The following ROBO2 variants were observed in gnomAD, a reference collection of about 807,000 sequenced individuals.
The protein encoded by ROBO2 is roundabout guidance receptor 2, also known as roundabout homolog 2.
A neutral mutation model predicts 160.8 loss-of-function variants in ROBO2; 53 were observed. The ratio of observed to expected loss-of-function variants is 0.33; its 90% CI spans 0.26 to 0.41. The LOEUF (loss-of-function observed/expected upper bound fraction) is 0.41. Among genes scored for constraint, ROBO2 ranks in the 10% least tolerant of loss-of-function variants. ROBO2 has a pLI of 1.00. For synonymous variants in ROBO2, 664 were observed against 611.7 expected, an observed-to-expected ratio of 1.09 and a Z score of -1.26; for missense variants, 1,577 against 1,722.4, an observed-to-expected ratio of 0.92 and a Z score of 1.49.
At chr3:77,272,250 A>C (rs2059538754) in intron 2 of ROBO2, among the ~76,000 whole-genome samples, 1 of 152,176 alleles carries the variant, frequency 6.6e-6, no homozygotes, top group Admixed American at 6.6e-5. Context: ...ATAAAGAAAT[A>C]CCTGAGATTG....
At chr3:76,470,377 TC>T in intron 2 of ROBO2, among the ~76,000 whole-genome samples, 1 of 152,264 alleles carries the variant, frequency 6.6e-6, no homozygotes, top group East Asian at 1.9e-4. Context: ...TTGCTTGGGG[TC>T]CTTTACAGGG....
chr3:76,770,886 A>C (rs571055521), intron 2 of ROBO2, among the ~76,000 whole-genome samples: 3 of 151,322 alleles, frequency 2.0e-5, no homozygotes, highest in African/African-American at 7.2e-5. Flanking sequence ...TAAAAGAAGG[A>C]TGCTCCGATA....
chr3:76,959,174 C>A (rs2079481323), intron 2 of ROBO2, among the ~76,000 whole-genome samples: 1 of 152,182 alleles, frequency 6.6e-6, no homozygotes, highest in Non-Finnish European at 1.5e-5. Context: ...TTACAAACAA[C>A]TCTTATTAAC....
chr3:76,095,081 A>G (rs2069385440), intron 2 of ROBO2, among the ~76,000 whole-genome samples: 1 of 152,154 alleles, frequency 6.6e-6, no homozygotes, highest in Non-Finnish European at 1.5e-5. Flanking sequence ...AAGACACACT[A>G]AAAAAGCTCT....
chr3:77,192,487 A>G (rs1377582373), intron 2 of ROBO2, among the ~76,000 whole-genome samples: 1 of 152,072 alleles, frequency 6.6e-6, no homozygotes, highest in Non-Finnish European at 1.5e-5. Context: ...TAGTATTTCT[A>G]TTTATCTACC....
intron 2 of ROBO2, among the ~76,000 whole-genome samples, chr3:76,417,087 G>A (rs1352037541): frequency 1.7e-4 from 5 of 29,780 alleles, no homozygotes; most frequent in Non-Finnish European, 3.7e-4. Context: ...TTTTAAAGAT[G>A]TTGTGTTCCT....
At chr3:76,475,216 G>A (rs1014448474) in intron 2 of ROBO2, among the ~76,000 whole-genome samples, 3 of 152,112 alleles carry the variant, frequency 2.0e-5, no homozygotes, top group African/African-American at 7.2e-5. Flanking sequence ...AAAATAGAGA[G>A]TAAGGCATGG....
intron 6 of ROBO2, among the ~76,000 whole-genome samples, chr3:77,544,820 T>A (rs775746): frequency 0.54 from 82,665 of 151,824 alleles, 22,585 homozygotes; most frequent in Middle Eastern, 0.68. Flanking sequence ...TTAAAGTGGA[T>A]ATAGATTATT....
intron 2 of ROBO2, among the ~76,000 whole-genome samples, chr3:76,534,861 G>A (rs1466811387): frequency 1.3e-5 from 2 of 152,116 alleles, no homozygotes; most frequent in Non-Finnish European, 2.9e-5. Flanking sequence ...ATTGAGAGGT[G>A]ATGGTTTTAA....
intron 2 of ROBO2, among the ~76,000 whole-genome samples, chr3:76,173,334 A>G (rs1369063731): frequency 1.3e-5 from 2 of 151,590 alleles, no homozygotes; most frequent in African/African-American, 4.9e-5. Flanking sequence ...CATGCTAATT[A>G]TTTATTTTTA....
At chr3:77,426,770 C>T (rs2078255124) in intron 2 of ROBO2, among the ~76,000 whole-genome samples, 1 of 151,988 alleles carries the variant, frequency 6.6e-6, no homozygotes, top group African/African-American at 2.4e-5. Context: ...ATGTTCAATT[C>T]AACCTTACAC....
intron 2 of ROBO2, among the ~76,000 whole-genome samples, chr3:76,163,195 A>G (rs1417506771): frequency 6.6e-6 from 1 of 152,032 alleles, no homozygotes; most frequent in Admixed American, 6.6e-5. Context: ...CTATTAAAGA[A>G]TATGGTGAGC....
At chr3:76,348,033 A>G (rs1266456757) in intron 2 of ROBO2, among the ~76,000 whole-genome samples, 2 of 152,152 alleles carry the variant, frequency 1.3e-5, no homozygotes, top group Non-Finnish European at 2.9e-5. Flanking sequence ...AAACACTTGC[A>G]TCGTCTGCCC....
At chr3:77,122,219 A>T (rs555166134) in intron 2 of ROBO2, among the ~76,000 whole-genome samples, 1 of 151,930 alleles carries the variant, frequency 6.6e-6, no homozygotes, top group Non-Finnish European at 1.5e-5. Flanking sequence ...ATTTTTAAAC[A>T]CTGAAAGGTG....
At chr3:76,828,321 A>G (rs2066758054) in intron 2 of ROBO2, among the ~76,000 whole-genome samples, 1 of 152,160 alleles carries the variant, frequency 6.6e-6, no homozygotes, top group Non-Finnish European at 1.5e-5. Flanking sequence ...TTTTATCTAT[A>G]TTATTATATA....
intron 2 of ROBO2, among the ~76,000 whole-genome samples, chr3:77,130,086 T>G (rs1164288658): frequency 6.6e-6 from 1 of 152,188 alleles, no homozygotes; most frequent in Non-Finnish European, 1.5e-5. Context: ...TTGCTTCAAC[T>G]GTTAAACAAC....
At chr3:77,562,300 G>A (rs1239974603) in intron 9 of ROBO2, among the ~76,000 whole-genome samples, 1 of 151,956 alleles carries the variant, frequency 6.6e-6, no homozygotes, top group Non-Finnish European at 1.5e-5. Context: ...GTTCTGTTCT[G>A]AGTCATTCAT....
At chr3:77,299,771 G>T (rs182176127) in intron 2 of ROBO2, among the ~76,000 whole-genome samples, 7 of 152,214 alleles carry the variant, frequency 4.6e-5, no homozygotes, top group Admixed American at 2.0e-4. Flanking sequence ...ATTGAAAATA[G>T]GAATCAGAGG....
At chr3:76,979,553 TC>T (rs1462049501) in intron 2 of ROBO2, among the ~76,000 whole-genome samples, 1 of 152,036 alleles carries the variant, frequency 6.6e-6, no homozygotes, top group African/African-American at 2.4e-5. Context: ...ATTTCATTTT[TC>T]TTTATTGCTG....
Sources: gnomAD v4.1 joint callset for allele counts (sites outside exome capture counted in the v4.1 genomes callset) on GRCh38, gnomAD v4.1.1 for gene constraint, MANE v1.5 for transcripts, NCBI Gene and HGNC (gene_info 2026-07-23, HGNC 2026-07-21) for gene names.